SYNE2: variants seen among roughly 807,000 people sequenced by gnomAD.
The protein encoded by SYNE2 is nesprin-2.
Under a neutral mutation model 856.3 loss-of-function variants are expected in SYNE2, and 431 were observed. The ratio of observed to expected loss-of-function variants is 0.50; its 90% CI spans 0.47 to 0.55. SYNE2 has a LOEUF of 0.55. Ranked by LOEUF, SYNE2 falls within the 20% of genes least tolerant of loss-of-function variation. The probability of loss-of-function intolerance (pLI) is 0.00; values close to 1 mark genes in which losing one functional copy is unlikely to be tolerated. For missense variants in SYNE2, 8,129 were observed against 8,023.2 expected (o/e 1.01, Z -0.50); for synonymous variants, 2,923 against 2,872.3 (o/e 1.02, Z -0.56).
intron 102 of SYNE2, 126 bp downstream of exon 102, chr14:64,209,704 C>A: frequency 7.3e-7 from 1 of 1,377,724 alleles, no homozygotes; most frequent in Non-Finnish European, 1.0e-6. Context: ...GCCTAAACCA[C>A]AGCCTGCCCC....
At chr14:64,214,543 C>A in intron 106 of SYNE2, 73 bp downstream of exon 106, 1 of 1,442,940 alleles carries the variant, frequency 6.9e-7, no homozygotes, top group Non-Finnish European at 9.4e-7. Flanking sequence ...GCAACACGGC[C>A]AGCTCTCAAT....
intron 11 of SYNE2, among the ~76,000 whole-genome samples, chr14:63,970,825 G>A (rs1055204892): frequency 2.6e-5 from 4 of 151,046 alleles, no homozygotes; most frequent in African/African-American, 9.7e-5. Context: ...GCTAATTTTT[G>A]TATTTTTATT....
At chr14:63,863,268 G>A (rs750681629) in intron 1 of SYNE2, among the ~76,000 whole-genome samples, 3 of 151,988 alleles carry the variant, frequency 2.0e-5, no homozygotes, top group Non-Finnish European at 2.9e-5. Context: ...TTCAAGGTTC[G>A]AGATGACACA....
At chr14:64,190,523 G>A in intron 99 of SYNE2, 1 of 675,182 alleles carries the variant, frequency 1.5e-6, no homozygotes, top group East Asian at 2.7e-5. Context: ...TTGGGAGGGG[G>A]TATTGTTTAG....
intron 100 of SYNE2, chr14:64,204,296 T>C (rs2098594882): frequency 6.6e-6 from 1 of 152,172 alleles, no homozygotes; most frequent in Non-Finnish European, 1.5e-5. Context: ...ACTGAACACA[T>C]CAGTTTTACT....
chr14:64,124,429 G>A (rs2097921572), intron 70 of SYNE2, among the ~76,000 whole-genome samples: 1 of 143,262 alleles, frequency 7.0e-6, no homozygotes, highest in Non-Finnish European at 1.5e-5. Flanking sequence ...TGTACAGGCT[G>A]GTCTTGAACT....
intron 71 of SYNE2, among the ~76,000 whole-genome samples, chr14:64,125,415 T>C (rs1291248439): frequency 6.6e-6 from 1 of 152,172 alleles, no homozygotes; most frequent in Non-Finnish European, 1.5e-5. Context: ...GTGCAAAGGA[T>C]TCTGAGTCCA....
At chr14:63,825,686 C>A (rs1889402130) in intron 1 of SYNE2, among the ~76,000 whole-genome samples, 1 of 152,058 alleles carries the variant, frequency 6.6e-6, no homozygotes, top group African/African-American at 2.4e-5. Flanking sequence ...CCAGCCTGGT[C>A]AACATGGCAA....
chr14:64,131,008 A>T (rs1482699515), intron 76 of SYNE2, among the ~76,000 whole-genome samples: 3 of 152,220 alleles, frequency 2.0e-5, no homozygotes, highest in Admixed American at 2.0e-4. Context: ...TTAAACAAAA[A>T]CTTCTTGATC....
In SYNE2 at chr14:64,210,051, A is replaced by C; in HGVS notation, c.18650A>C (p.Gln6217Pro). ...ACAGACACGGCCAGCAGGCTGAAGC[A>C]GATGGTCCACGAGGGCAACCAGCGC... ...NRTDTASRLK[Q>P]MVHEGNQRWD... is the part of the protein sequence containing the mutation. The change falls in exon 103 of 116, where the codon CAG becomes CCG. Residue 6217 changes from glutamine (Q) to proline (P), a missense_variant. Physicochemically the swap from Gln to Pro is moderately conservative, Grantham distance 76. Coordinates refer to ENST00000555002, the MANE Select transcript of SYNE2 (RefSeq NM_182914.3). The C allele has an allele frequency of 6.2e-7, 1 of 1,614,154 alleles. No individual in the cohort carries two copies. Among genetic ancestry groups the C allele is most frequent in the South Asian group, 1.1e-5 (1 of 91,090 alleles).
At chr14:63,979,964 G>T (rs956600333) in intron 14 of SYNE2, among the ~76,000 whole-genome samples, 1 of 152,024 alleles carries the variant, frequency 6.6e-6, no homozygotes, top group African/African-American at 2.4e-5. Flanking sequence ...AAATTTTATT[G>T]TAAAAATTTA....
At chr14:64,077,385 AT>A (rs5809212) in intron 54 of SYNE2, among the ~76,000 whole-genome samples, 138,663 of 150,328 alleles carry the variant, frequency 0.92, 64,003 homozygotes, top group Non-Finnish European at 0.94. Context: ...CCAAAGTGGG[AT>A]TTTTTTTTTT....
chr14:64,188,566 A>G lies in SYNE2; in HGVS notation c.17729A>G (p.Gln5910Arg), dbSNP rs372121176. 6.8e-6 allele frequency: 11 copies of G among 1,614,130 alleles called. No individual in the cohort carries two copies. Among genetic ancestry groups the G allele is most frequent in the Non-Finnish European group, 7.6e-6 (9 of 1,180,058 alleles). The change falls in exon 98 of 116, where the codon CAG (glutamine) becomes CGG (arginine). Residue 5910 changes from glutamine (Q) to arginine (R), a missense_variant. By Grantham distance (43) the Gln-to-Arg change is conservative. This residue lies in a region of SYNE2 where 5,410 missense variants were observed against 5,284.8 expected (regional missense o/e 1.02). Transcript: ENST00000555002. Reference sequence around the variant, plus strand: ...CATTTGCAGGTGGCCATACGTAAACAGGAGATTGAAGACAGACTCAATACA... The same window carrying G: ...CATTTGCAGGTGGCCATACGTAAACGGGAGATTGAAGACAGACTCAATACA... ...DLCLRVAIRK[Q>R]EIEDRLNTWV...
At chr14:63,965,979 CATTA>C (rs1418684276) in intron 10 of SYNE2, among the ~76,000 whole-genome samples, 2 of 152,138 alleles carry the variant, frequency 1.3e-5, no homozygotes, top group Admixed American at 6.6e-5. Context: ...TTTATGAAGT[CATTA>C]ATTATCAGAA....
At chr14:63,847,854 G>A (rs1890281373) in intron 1 of SYNE2, among the ~76,000 whole-genome samples, 1 of 151,468 alleles carries the variant, frequency 6.6e-6, no homozygotes, top group Non-Finnish European at 1.5e-5. Flanking sequence ...CCAAAGTGCT[G>A]GGATTACAGG....
chr14:64,038,677 T>C (rs1021474306), intron 45 of SYNE2, among the ~76,000 whole-genome samples: 5 of 152,118 alleles, frequency 3.3e-5, no homozygotes, highest in African/African-American at 7.2e-5. Flanking sequence ...CCGGTCTCCA[T>C]CAAAAAAATA....
At position 64,057,968 on chromosome 14, in the gene SYNE2, A is replaced by T. The variant is rs564077280; in HGVS notation, c.10067+1702A>T. On this transcript the variant is annotated intron_variant, in intron 49 of 115. Transcript: ENST00000555002. ...TTGCCCATTTTTAATTGGATTATTA[A>T]TTTTTTTCCTATAGAGTTATTTGAG... is the stretch of plus-strand genomic sequence containing the variant. 4.6e-5 allele frequency among the ~76,000 whole-genome samples: 7 copies of T among 152,044 alleles called. No homozygotes were observed. The South Asian group carries it at 1.5e-3, about 32-fold the overall frequency.
rs376534992 is a variant in SYNE2 at position 63,854,082 on chromosome 14, G to C, written c.-52+939G>C. The stretch of plus-strand genomic sequence containing the variant: ...AAAGGGAGCGTCTGAGCTGGACGCC[G>C]CAGGCACGGTTGTGTACAAGCACCA... On this transcript the variant is annotated intron_variant, in intron 1 of 115. Transcript: ENST00000555002. Among the ~76,000 whole-genome samples, 20 of 151,906 alleles carry C rather than the reference G, an allele frequency of 1.3e-4. No homozygotes were observed. The East Asian group carries it at 3.3e-3, about 25-fold the overall frequency.
At chr14:64,110,588 A>AT (rs2097797632) in intron 65 of SYNE2, among the ~76,000 whole-genome samples, 1 of 75,390 alleles carries the variant, frequency 1.3e-5, no homozygotes, top group Admixed American at 1.6e-4. Context: ...TACTTTTTAC[A>AT]CCCCCCCCCC....
Sources: gnomAD v4.1 joint callset for allele counts (sites outside exome capture counted in the v4.1 genomes callset) on GRCh38, gnomAD v4.1.1 for gene constraint, gnomAD v4.1.1 regional missense constraint, MANE v1.5 for transcripts, NCBI Gene and HGNC (gene_info 2026-07-23, HGNC 2026-07-21) for gene names.